MAP4K5: variants seen among roughly 807,000 people sequenced by gnomAD.
MAP4K5 encodes mitogen-activated protein kinase kinase kinase kinase 5.
Under a neutral mutation model 135.6 loss-of-function variants are expected in MAP4K5, and 82 were observed. The ratio of observed to expected loss-of-function variants is 0.60; its 90% CI spans 0.51 to 0.73. MAP4K5 has a LOEUF of 0.73. Ranked by LOEUF, MAP4K5 falls within the 30% of genes least tolerant of loss-of-function variation. MAP4K5 has a pLI of 0.00. For synonymous variants in MAP4K5, 347 were observed against 335.0 expected, an observed-to-expected ratio of 1.04 and a Z score of -0.39; for missense variants, 907 against 1,010.9, an observed-to-expected ratio of 0.90 and a Z score of 1.39.
chr14:50,436,675 C>T (rs2036099941), intron 26 of MAP4K5, among the ~76,000 whole-genome samples: 1 of 152,030 alleles, frequency 6.6e-6, no homozygotes, highest in Admixed American at 6.6e-5. Flanking sequence ...TGTGATGAAG[C>T]CCCAATAAAA....
intron 28 of MAP4K5, among the ~76,000 whole-genome samples, chr14:50,432,821 G>A (rs933541335): frequency 1.3e-5 from 2 of 151,752 alleles, no homozygotes; most frequent in Non-Finnish European, 2.9e-5. Flanking sequence ...TGAGCAATAA[G>A]AACAGGGAAA....
At chr14:50,525,805 C>T (rs975342594) in intron 2 of MAP4K5, among the ~76,000 whole-genome samples, 7 of 152,132 alleles carry the variant, frequency 4.6e-5, no homozygotes, top group African/African-American at 1.4e-4. Flanking sequence ...GATCATGCCA[C>T]TACACTGCAG....
chr14:50,542,673 C>G (rs941420038), intron 1 of MAP4K5: 2 of 151,994 alleles, frequency 1.3e-5, no homozygotes, highest in African/African-American at 2.4e-5. Flanking sequence ...AACCCATTAT[C>G]TATAGGCTCA....
chr14:50,553,284 A>G (rs1256025009), intron 1 of MAP4K5, among the ~76,000 whole-genome samples: 5 of 151,992 alleles, frequency 3.3e-5, no homozygotes, highest in Non-Finnish European at 7.4e-5. Context: ...AAAAAAAAAA[A>G]AGTGGGTAAA....
At chr14:50,472,141 A>G (rs1259442530) in intron 9 of MAP4K5, 4 of 150,970 alleles carry the variant, frequency 2.6e-5, no homozygotes, top group Non-Finnish European at 5.9e-5. Context: ...CTCATACTGG[A>G]GAGAAACTCT....
At chr14:50,463,891 C>CAAAAAA (rs56877870) in intron 12 of MAP4K5, among the ~76,000 whole-genome samples, 161 bp downstream of exon 12, 1 of 70,408 alleles carries the variant, frequency 1.4e-5, no homozygotes, top group African/African-American at 6.0e-5. Flanking sequence ...ACCCTGTTTC[C>CAAAAAA]AAAAAAAAAA....
At position 50,464,499 on chromosome 14, in the gene MAP4K5, C is replaced by T. The variant is rs942876575; in HGVS notation, c.738-366G>A. 3.3e-5 allele frequency among the ~76,000 whole-genome samples: 5 copies of T among 151,960 alleles called. No individual in the cohort carries two copies. In the South Asian group the frequency reaches 8.3e-4, roughly 25 times the overall value. On this transcript the variant is annotated intron_variant, in intron 11 of 32. Transcript: ENST00000682126. The stretch of plus-strand genomic sequence containing the variant: ...GCTATACCAAAAGAGTTGGACGGCA[C>T]GAAAGGTAGGCATGGGGTAATATAA...
chr14:50,481,100 T>C (rs1297864924), intron 6 of MAP4K5, among the ~76,000 whole-genome samples: 1 of 151,870 alleles, frequency 6.6e-6, no homozygotes, highest in Non-Finnish European at 1.5e-5. Context: ...CTCAGTACTT[T>C]GTTTAATACT....
chr14:50,557,185 C>A (rs1307331861), intron 1 of MAP4K5, among the ~76,000 whole-genome samples: 1 of 152,156 alleles, frequency 6.6e-6, no homozygotes, highest in African/African-American at 2.4e-5. Flanking sequence ...TCATAGTAAG[C>A]ATTTTAAAAC....
At chr14:50,553,775 A>C (rs1367546379) in intron 1 of MAP4K5, among the ~76,000 whole-genome samples, 1 of 152,248 alleles carries the variant, frequency 6.6e-6, no homozygotes. Flanking sequence ...TCAGCCATAA[A>C]ACAGAACAAA....
chr14:50,526,899 C>T (rs1047211106), intron 2 of MAP4K5, among the ~76,000 whole-genome samples: 4 of 151,982 alleles, frequency 2.6e-5, no homozygotes, highest in African/African-American at 4.8e-5. Flanking sequence ...GAGGAACCCA[C>T]GTTAGTGATA....
chr14:50,543,504 T>C (rs2140149137), intron 1 of MAP4K5, among the ~76,000 whole-genome samples: 1 of 152,330 alleles, frequency 6.6e-6, no homozygotes, highest in East Asian at 1.9e-4. Context: ...CAAATATCTT[T>C]GAGCAAGAAA....
At chr14:50,522,957 T>C (rs907758831) in intron 2 of MAP4K5, among the ~76,000 whole-genome samples, 2 of 152,180 alleles carry the variant, frequency 1.3e-5, no homozygotes, top group Non-Finnish European at 2.9e-5. Flanking sequence ...TGCTTACAAA[T>C]TCATGCTTAA....
intron 6 of MAP4K5, among the ~76,000 whole-genome samples, chr14:50,477,396 G>T (rs1468351896): frequency 6.6e-6 from 1 of 152,110 alleles, no homozygotes; most frequent in African/African-American, 2.4e-5. Context: ...TTTCTACACA[G>T]ATGATGATGT....
chr14:50,529,398 A>G (rs2038338299), intron 2 of MAP4K5, among the ~76,000 whole-genome samples: 1 of 152,138 alleles, frequency 6.6e-6, no homozygotes. Context: ...AAACAAACAG[A>G]CAAACAGAAG....
chr14:50,425,175 A>T (rs2035819084), intron 31 of MAP4K5, among the ~76,000 whole-genome samples: 1 of 152,190 alleles, frequency 6.6e-6, no homozygotes, highest in Non-Finnish European at 1.5e-5. Context: ...GTATTATCTT[A>T]GCTAGTAGGA....
intron 9 of MAP4K5, among the ~76,000 whole-genome samples, chr14:50,474,629 A>T (rs926095422): frequency 2.0e-5 from 3 of 152,110 alleles, no homozygotes; most frequent in African/African-American, 4.8e-5. Flanking sequence ...CAGGAAGAAG[A>T]ATCCTAGATT....
At chr14:50,499,260 C>T (rs1291058668) in intron 3 of MAP4K5, among the ~76,000 whole-genome samples, 1 of 151,914 alleles carries the variant, frequency 6.6e-6, no homozygotes, top group African/African-American at 2.4e-5. Context: ...ATTAAGGCAA[C>T]AAAATGAAAC....
intron 15 of MAP4K5, among the ~76,000 whole-genome samples, chr14:50,448,387 A>G (rs1160172717): frequency 6.6e-6 from 1 of 152,158 alleles, no homozygotes; most frequent in African/African-American, 2.4e-5. Flanking sequence ...GTTAAAAAAG[A>G]AACTATATTA....
Sources: gnomAD v4.1 joint callset for allele counts (sites outside exome capture counted in the v4.1 genomes callset) on GRCh38, gnomAD v4.1.1 for gene constraint, MANE v1.5 for transcripts, NCBI Gene and HGNC (gene_info 2026-07-23, HGNC 2026-07-21) for gene names.